Variants in GJA1 observed in about 807,000 individuals in gnomAD.
GJA1 encodes gap junction alpha-1 protein.
A neutral mutation model predicts 31.0 loss-of-function variants in GJA1; 9 were observed. The ratio of observed to expected loss-of-function variants is 0.29; its 90% CI spans 0.17 to 0.51. The LOEUF is 0.51. Among genes scored for constraint, GJA1 ranks in the 20% least tolerant of loss-of-function variants. GJA1 has a pLI of 0.98. For synonymous variants in GJA1, 186 were observed against 180.1 expected, an observed-to-expected ratio of 1.03 and a Z score of -0.26; for missense variants, 278 against 468.8, an observed-to-expected ratio of 0.59 and a Z score of 3.76.
intron 1 of GJA1, among the ~76,000 whole-genome samples, chr6:121,441,177 C>A (rs1434142289): frequency 5.3e-5 from 8 of 152,130 alleles, no homozygotes; most frequent in Non-Finnish European, 7.3e-5. Flanking sequence ...TGGTCTCTAT[C>A]TCCTAACCTC....
chr6:121,447,564 G>A lies in GJA1; in HGVS notation c.717G>A (p.Arg239=), dbSNP rs57946868. ...FYVFFKGVKD[R]VKGKSDPYHA... is the part of the protein sequence containing the mutation. ...TTTTCTTCAAGGGCGTTAAGGATCG[G>A]GTTAAGGGAAAGAGCGACCCTTACC... Residue 239 remains arginine, a synonymous_variant, in exon 2 of 2, where the codon CGG becomes CGA. Coordinates refer to ENST00000282561, the MANE Select transcript of GJA1 (RefSeq NM_000165.5). 0.017 allele frequency: 26,781 copies of A among 1,613,866 alleles called. 431 individuals carry two copies. The highest frequency in any genetic ancestry group is 0.08 in the African/African-American group (5,998 of 74,934).
At chr6:121,437,813 C>G (rs1307571168) in intron 1 of GJA1, among the ~76,000 whole-genome samples, 1 of 152,180 alleles carries the variant, frequency 6.6e-6, no homozygotes, top group Admixed American at 6.5e-5. Context: ...ATTTCTTTTG[C>G]TTCCTCGACC....
At chr6:121,441,077 G>T (rs571469558) in intron 1 of GJA1, among the ~76,000 whole-genome samples, 2 of 152,234 alleles carry the variant, frequency 1.3e-5, no homozygotes, top group East Asian at 3.9e-4. Context: ...CGAGTAGCTG[G>T]GACTACAGGT....
intron 1 of GJA1, among the ~76,000 whole-genome samples, chr6:121,436,185 G>GGC (rs1014174738): frequency 1.7e-4 from 7 of 40,772 alleles, no homozygotes; most frequent in African/African-American, 1.0e-3. Flanking sequence ...TTTGTTGGGT[G>GGC]GGGGGGGGGC....
chr6:121,438,065 G>A (rs1773698759), intron 1 of GJA1, among the ~76,000 whole-genome samples: 1 of 152,082 alleles, frequency 6.6e-6, no homozygotes, highest in Non-Finnish European at 1.5e-5. Flanking sequence ...ATTACTTCTG[G>A]GTAGGCCGAA....
chr6:121,436,120 A>C (rs1403487004), intron 1 of GJA1, among the ~76,000 whole-genome samples: 1 of 121,770 alleles, frequency 8.2e-6, no homozygotes, highest in Non-Finnish European at 1.6e-5. Context: ...TTCATTTTAG[A>C]GTATCATTTT....
In GJA1 at chr6:121,447,927, C is replaced by T. The variant is rs1191906141; in HGVS notation, c.1080C>T (p.Asp360=). 6.2e-7 allele frequency: 1 copy of T among 1,613,634 alleles called. No individual in the cohort carries two copies. Among genetic ancestry groups the T allele is most frequent in the Non-Finnish European group, 8.5e-7 (1 of 1,179,790 alleles). Residue 360 remains aspartate (D), a synonymous_variant, in exon 2 of 2, where the codon GAC becomes GAT. Transcript: ENST00000282561. ...GHELQPLAIV[D]QRPSSRASSR... Reference sequence around the variant, plus strand: ...AATTACAGCCACTAGCCATTGTGGACCAGCGACCTTCAAGCAGAGCCAGCA... The same window carrying T: ...AATTACAGCCACTAGCCATTGTGGATCAGCGACCTTCAAGCAGAGCCAGCA...
At chr6:121,445,040 C>T (rs1773862797) in intron 1 of GJA1, among the ~76,000 whole-genome samples, 1 of 152,214 alleles carries the variant, frequency 6.6e-6, no homozygotes, top group Admixed American at 6.5e-5. Context: ...CTAAATATTT[C>T]CTATACCCTG....
chr6:121,440,968 A>G (rs1395152553), intron 1 of GJA1, among the ~76,000 whole-genome samples: 1 of 148,542 alleles, frequency 6.7e-6, no homozygotes, highest in Non-Finnish European at 1.5e-5. Context: ...TTTGAGACGG[A>G]GTCTCGCTCT....
intron 1 of GJA1, among the ~76,000 whole-genome samples, chr6:121,443,538 G>A (rs1392914291): frequency 1.3e-5 from 2 of 152,298 alleles, no homozygotes; most frequent in East Asian, 3.9e-4. Flanking sequence ...CACATACTAT[G>A]GAACTGTGGA....
chr6:121,443,685 A>G (rs966832110), intron 1 of GJA1, among the ~76,000 whole-genome samples: 2 of 152,200 alleles, frequency 1.3e-5, no homozygotes, highest in Admixed American at 1.3e-4. Flanking sequence ...GTGATGAATT[A>G]CTATAAGCAT....
chr6:121,436,186 G>GGGT (rs1554200305), intron 1 of GJA1, among the ~76,000 whole-genome samples: 5 of 105,032 alleles, frequency 4.8e-5, no homozygotes, highest in African/African-American at 1.8e-4. Flanking sequence ...TTGTTGGGTG[G>GGGT]GGGGGGGGCG....
chr6:121,437,040 A>G (rs1773677559), intron 1 of GJA1, among the ~76,000 whole-genome samples: 1 of 152,274 alleles, frequency 6.6e-6, no homozygotes, highest in African/African-American at 2.4e-5. Flanking sequence ...GCACCAGTGA[A>G]TGCTGAAAAG....
intron 1 of GJA1, among the ~76,000 whole-genome samples, chr6:121,446,333 T>C (rs1773889173): frequency 6.6e-6 from 1 of 152,070 alleles, no homozygotes; most frequent in Non-Finnish European, 1.5e-5. Context: ...AGTAATAAAA[T>C]GATATATAAT....
At chr6:121,438,404 AGGCT>A (rs1773705533) in intron 1 of GJA1, among the ~76,000 whole-genome samples, 1 of 152,210 alleles carries the variant, frequency 6.6e-6, no homozygotes. Context: ...GGCAGATAAA[AGGCT>A]GTGCTTTCAG....
In GJA1 at chr6:121,447,327, C is replaced by T; in HGVS notation, c.480C>T (p.Leu160=). The part of the protein sequence containing the change: ...GLLRTYIISI[L]FKSIFEVAFL... ...TGCGAACCTACATCATCAGTATCCT[C>T]TTCAAGTCTATCTTTGAGGTGGCCT... The change falls in exon 2 of 2, where the codon CTC becomes CTT. Residue 160 remains leucine, a synonymous_variant. Coordinates refer to ENST00000282561, the MANE Select transcript of GJA1 (RefSeq NM_000165.5). 1 of 1,614,090 alleles carries T rather than the reference C, an allele frequency of 6.2e-7. No individual in the cohort carries two copies. The highest frequency in any genetic ancestry group is 8.5e-7 in the Non-Finnish European group (1 of 1,179,978).
At position 121,446,906 on chromosome 6, in the gene GJA1, C is replaced by T. The variant is rs1386157776; in HGVS notation, c.59C>T (p.Ala20Val). ...GACAAGGTTCAAGCCTACTCAACTG[C>T]TGGAGGGAAGGTGTGGCTGTCAGTA... ...LLDKVQAYST[A>V]GGKVWLSVLF... Residue 20 changes from alanine (A) to valine (V), a missense_variant, in exon 2 of 2, where the codon GCT (alanine) becomes GTT (valine). Ala to Val is a moderately conservative substitution (Grantham distance 64). Coordinates refer to ENST00000282561, the MANE Select transcript of GJA1 (RefSeq NM_000165.5). 6.2e-7 allele frequency: 1 copy of T among 1,613,838 alleles called. No individual in the cohort carries two copies. Among genetic ancestry groups the T allele is most frequent in the Admixed American group, 1.7e-5 (1 of 60,026 alleles).
intron 1 of GJA1, among the ~76,000 whole-genome samples, chr6:121,446,338 T>C (rs1162589690): frequency 1.3e-5 from 2 of 152,136 alleles, no homozygotes; most frequent in Admixed American, 6.6e-5. Flanking sequence ...TAAAATGATA[T>C]ATAATAGCAT....
At chr6:121,436,833 C>T (rs937359495) in intron 1 of GJA1, among the ~76,000 whole-genome samples, 13 of 152,228 alleles carry the variant, frequency 8.5e-5, no homozygotes, top group Admixed American at 5.9e-4. Context: ...AGTTGGAGCT[C>T]CTAGGGCAAA....
Sources: gnomAD v4.1 joint callset for allele counts (sites outside exome capture counted in the v4.1 genomes callset) on GRCh38, gnomAD v4.1.1 for gene constraint, MANE v1.5 for transcripts, NCBI Gene and HGNC (gene_info 2026-07-23, HGNC 2026-07-21) for gene names.